Variants in BCAR3 observed in about 807,000 individuals in gnomAD.
BCAR3 encodes breast cancer anti-estrogen resistance protein 3.
Under a neutral mutation model 80.1 loss-of-function variants are expected in BCAR3, and 37 were observed. That is an observed-to-expected ratio of 0.46 (90% CI 0.36 to 0.61). BCAR3 has a LOEUF of 0.61. Among genes scored for constraint, BCAR3 ranks in the 20% least tolerant of loss-of-function variants. The pLI, the probability that BCAR3 is intolerant of heterozygous loss-of-function variation, is 0.00. For missense variants in BCAR3, 978 were observed against 1,068.2 expected, an observed-to-expected ratio of 0.92 and a Z score of 1.18; for synonymous variants, 389 against 418.9, an observed-to-expected ratio of 0.93 and a Z score of 0.87.
In BCAR3 at chr1:93,581,776, T is replaced by G. The variant is rs143177183; in HGVS notation, c.1686+525A>C. ...AAGGTAGCTTTAAAGATGTTTATACTAAAGATCATTTTAGTAATAAAATAA... is the reference window on the plus strand; with the variant it reads ...AAGGTAGCTTTAAAGATGTTTATACGAAAGATCATTTTAGTAATAAAATAA... On this transcript the variant is annotated intron_variant, in intron 7 of 11. Coordinates refer to ENST00000260502, the MANE Select transcript of BCAR3 (RefSeq NM_003567.4). Among the ~76,000 whole-genome samples the G allele has an allele frequency of 4.5e-4, 68 of 152,348 alleles. No homozygotes were observed. The East Asian group carries it at 0.012, about 27-fold the overall frequency.
At chr1:93,719,266 T>C (rs1650298933) in intron 2 of BCAR3, among the ~76,000 whole-genome samples, 1 of 151,932 alleles carries the variant, frequency 6.6e-6, no homozygotes. Flanking sequence ...GGCCCTCTAT[T>C]GCATCAGCTT....
At chr1:93,575,864 T>C in intron 8 of BCAR3, 150 bp downstream of exon 8, 4 of 621,434 alleles carry the variant, frequency 6.4e-6, no homozygotes, top group Non-Finnish European at 1.1e-5. Context: ...GGCTCAGGCT[T>C]CTGGGAAGAG....
intron 3 of BCAR3, among the ~76,000 whole-genome samples, chr1:93,693,669 T>C (rs1258515281): frequency 6.6e-6 from 1 of 152,174 alleles, no homozygotes; most frequent in Non-Finnish European, 1.5e-5. Flanking sequence ...TAAAACACTT[T>C]ATACAAAAAT....
chr1:93,638,865 A>G (rs1675887517), intron 3 of BCAR3, among the ~76,000 whole-genome samples: 2 of 152,320 alleles, frequency 1.3e-5, no homozygotes, highest in Admixed American at 1.3e-4. Context: ...GGGGGAAAAA[A>G]TTGTGAGGAG....
At chr1:93,567,181 T>G in intron 11 of BCAR3, 98 bp downstream of exon 11, 1 of 1,399,954 alleles carries the variant, frequency 7.1e-7, no homozygotes, top group Non-Finnish European at 9.9e-7. Flanking sequence ...ATCCTTCCTT[T>G]TTGGTCTTTT....
chr1:93,835,927 C>T (rs1447786576), intron 2 of BCAR3, among the ~76,000 whole-genome samples: 1 of 152,226 alleles, frequency 6.6e-6, no homozygotes, highest in African/African-American at 2.4e-5. Flanking sequence ...CACCTTCCCA[C>T]CTCTATACAG....
intron 3 of BCAR3, among the ~76,000 whole-genome samples, chr1:93,620,643 T>G (rs928898464): frequency 3.9e-5 from 6 of 152,134 alleles, no homozygotes; most frequent in African/African-American, 1.4e-4. Flanking sequence ...TCCTCACTCC[T>G]CCAGCCCCAC....
chr1:93,619,474 C>T (rs1675245827), intron 3 of BCAR3, among the ~76,000 whole-genome samples: 1 of 152,214 alleles, frequency 6.6e-6, no homozygotes, highest in African/African-American at 2.4e-5. Context: ...TTCTTCTACA[C>T]TTACTATGCA....
Position 93,674,708 on chromosome 1 carries a change from G to C in BCAR3, c.223C>G (p.His75Asp), listed in dbSNP as rs141721897. Residue 75 changes from histidine to aspartate, a missense_variant, in exon 2 of 12, where the codon CAC becomes GAC. Physicochemically the swap from His to Asp is moderately conservative, Grantham distance 81 (BLOSUM62 -1). Transcript: ENST00000260502. ...GAGTTCTGCCGTGGGGATTTGGAGTGGGGGAGGGTGCCCATGTGACTGAAG... is the reference window on the plus strand; with the variant it reads ...GAGTTCTGCCGTGGGGATTTGGAGTCGGGGAGGGTGCCCATGTGACTGAAG... ...DDFSHMGTLP[H>D]SKSPRQNSPV... 1.2e-5 allele frequency: 20 copies of C among 1,613,930 alleles called. No individual in the cohort carries two copies. Among genetic ancestry groups the C allele is most frequent in the Non-Finnish European group, 1.7e-5 (20 of 1,179,996 alleles).
At chr1:93,713,187 G>A (rs1650082788) in intron 2 of BCAR3, among the ~76,000 whole-genome samples, 1 of 152,158 alleles carries the variant, frequency 6.6e-6, no homozygotes, top group African/African-American at 2.4e-5. Context: ...CCAGACACGG[G>A]TAGTGGCTTC....
chr1:93,838,085 T>A (rs902427860), intron 2 of BCAR3, among the ~76,000 whole-genome samples: 1 of 152,208 alleles, frequency 6.6e-6, no homozygotes. Context: ...GGGGAAGGGA[T>A]GGCCCCTTTC....
chr1:93,630,378 C>A (rs560608544), intron 3 of BCAR3, among the ~76,000 whole-genome samples: 1 of 151,986 alleles, frequency 6.6e-6, no homozygotes, highest in South Asian at 2.1e-4. Context: ...AATCTCAGCA[C>A]TTTGGGAGGC....
At chr1:93,669,248 T>C (rs1413232461) in intron 2 of BCAR3, among the ~76,000 whole-genome samples, 1 of 152,194 alleles carries the variant, frequency 6.6e-6, no homozygotes, top group East Asian at 1.9e-4. Flanking sequence ...AAACCAATGG[T>C]TCTGAAGAGG....
intron 3 of BCAR3, among the ~76,000 whole-genome samples, chr1:93,629,437 A>G (rs1675542928): frequency 6.6e-6 from 1 of 152,246 alleles, no homozygotes; most frequent in Non-Finnish European, 1.5e-5. Context: ...ACAGTATCAT[A>G]GCATTTTAGA....
chr1:93,777,891 T>C (rs1247629100), intron 2 of BCAR3, among the ~76,000 whole-genome samples: 1 of 152,232 alleles, frequency 6.6e-6, no homozygotes, highest in Non-Finnish European at 1.5e-5. Context: ...TATCCAAAGG[T>C]GAACAATGGT....
intron 3 of BCAR3, among the ~76,000 whole-genome samples, chr1:93,692,159 C>T (rs1210387276): frequency 1.3e-5 from 2 of 152,156 alleles, no homozygotes; most frequent in African/African-American, 4.8e-5. Flanking sequence ...CCGCACAGCT[C>T]GGCATCCAGT....
chr1:93,788,641 G>T (rs59994448), intron 2 of BCAR3, among the ~76,000 whole-genome samples: 18 of 152,052 alleles, frequency 1.2e-4, no homozygotes, highest in Non-Finnish European at 2.5e-4. Context: ...ATTGGACCCC[G>T]ATCCCATTGG....
At chr1:93,845,502 A>ATATATATCTATCTCATGTTGTCAAG in intron 2 of BCAR3, 3 of 113,826 alleles carry the variant, frequency 2.6e-5, no homozygotes, top group South Asian at 5.3e-4. Context: ...ATATATATAT[A>ATATATATCTATCTCATGTTGTCAAG]AAACTTTGTT....
chr1:93,734,335 A>C, intron 2 of BCAR3, among the ~76,000 whole-genome samples: 1 of 152,236 alleles, frequency 6.6e-6, no homozygotes, highest in East Asian at 1.9e-4. Flanking sequence ...AGTTTAGGAA[A>C]CATTGCTCTA....
Sources: allele counts gnomAD v4.1 joint callset (sites outside exome capture counted in the v4.1 genomes callset), GRCh38; gene constraint gnomAD v4.1.1; transcripts MANE v1.5; gene names NCBI Gene and HGNC (gene_info 2026-07-23, HGNC 2026-07-21).